The following MAPK8IP3 variants were observed in gnomAD, a reference collection of about 807,000 sequenced individuals.
The protein encoded by MAPK8IP3 is mitogen-activated protein kinase 8 interacting protein 3.
A neutral mutation model predicts 157.8 loss-of-function variants in MAPK8IP3; 49 were observed. That is an observed-to-expected ratio of 0.31 (90% CI 0.25 to 0.39). The LOEUF is 0.39. Among genes scored for constraint, MAPK8IP3 ranks in the 10% least tolerant of loss-of-function variants. MAPK8IP3 has a pLI of 1.00. For missense variants in MAPK8IP3, 1,478 were observed against 1,889.4 expected, an observed-to-expected ratio of 0.78 and a Z score of 4.04; for synonymous variants, 897 against 777.7, an observed-to-expected ratio of 1.15 and a Z score of -2.55.
chr16:1,734,149 C>T (rs961453020), intron 4 of MAPK8IP3, among the ~76,000 whole-genome samples: 2 of 152,136 alleles, frequency 1.3e-5, no homozygotes, highest in African/African-American at 4.8e-5. Context: ...ATTACTCTGG[C>T]CCCTGGGCCT....
At position 1,738,110 on chromosome 16, in the gene MAPK8IP3, C is replaced by CCGTCCGTGTGAG. The variant is rs1555449384; in HGVS notation, c.603-5218_603-5207dup. ...ACCATCCATGTGAGCATCCATGTGA[C>CCGTCCGTGTGAG]CGTCCGTGTGAGCGTGACTGTCCGT... On this transcript the variant is annotated intron_variant, in intron 4 of 31. Transcript: ENST00000610761. Among the ~76,000 whole-genome samples, 174 of 59,940 alleles carry CCGTCCGTGTGAG rather than the reference C, an allele frequency of 2.9e-3. 7 individuals are homozygous for CCGTCCGTGTGAG. Among genetic ancestry groups the CCGTCCGTGTGAG allele is most frequent in the East Asian group, 0.013 (17 of 1,330 alleles). The allele number at this position is 59,940 out of a possible 152,430, so 39.3% of individuals were successfully genotyped here. A position where few individuals can be genotyped will look rare whatever the true frequency, so the allele number is the denominator to read the frequency against.
intron 7 of MAPK8IP3, 94 bp downstream of exon 7, chr16:1,748,440 A>G: frequency 8.1e-7 from 1 of 1,235,706 alleles, no homozygotes; most frequent in South Asian, 1.2e-5. Context: ...CCACTGGGAG[A>G]ACCATCAAGG....
chr16:1,730,184 C>T (rs1294383632), intron 4 of MAPK8IP3, among the ~76,000 whole-genome samples: 2 of 152,058 alleles, frequency 1.3e-5, no homozygotes, highest in African/African-American at 4.8e-5. Context: ...TAGCTTGAGC[C>T]CAGGGGCTGG....
At chr16:1,760,185 C>A in intron 11 of MAPK8IP3, 170 bp downstream of exon 11, 1 of 957,082 alleles carries the variant, frequency 1.0e-6, no homozygotes. Flanking sequence ...GGTTTCTTTA[C>A]GAAGCTTGTC....
intron 4 of MAPK8IP3, among the ~76,000 whole-genome samples, chr16:1,736,668 G>A (rs1293126550): frequency 5.6e-5 from 4 of 71,164 alleles, no homozygotes; most frequent in Admixed American, 1.9e-4. Context: ...GCGTGTGACC[G>A]TCCGTGTGAG....
intron 8 of MAPK8IP3, among the ~76,000 whole-genome samples, chr16:1,755,537 G>A (rs377680612): frequency 6.6e-6 from 1 of 151,964 alleles, no homozygotes; most frequent in Non-Finnish European, 1.5e-5. Context: ...AAATAAGAAC[G>A]TCAACAAAGG....
At position 1,766,406 on chromosome 16, in the gene MAPK8IP3, G is replaced by A. The variant is rs2042263695; in HGVS notation, c.2816G>A (p.Gly939Asp). The change falls in exon 22 of 32, where the codon GGC (glycine) becomes GAC (aspartate). Residue 939 changes from glycine to aspartate, a missense_variant. Coordinates refer to ENST00000610761, the MANE Select transcript of MAPK8IP3 (RefSeq NM_001318852.2). ...APTPSSGPQP[G>D]SENGPEPDSS... ...ACCCCGTCCTCTGGCCCCCAGCCTGGCAGGTGAGCTCTTGGGCTGGGGCAG... is the reference window on the plus strand; with the variant it reads ...ACCCCGTCCTCTGGCCCCCAGCCTGACAGGTGAGCTCTTGGGCTGGGGCAG... 1 of 1,609,496 alleles carries A rather than the reference G, an allele frequency of 6.2e-7. No homozygotes were observed. Among genetic ancestry groups the A allele is most frequent in the South Asian group, 1.1e-5 (1 of 91,000 alleles).
rs745593970 is a variant in MAPK8IP3 at position 1,748,832 on chromosome 16, C to CT, written c.1216+121dup. ...CCTCTGTCAGCTGTGAGCTAGGAACCTTTTTTTTTCCAGCTTTGTTGAGTT... is the reference window on the plus strand; with the variant it reads ...CCTCTGTCAGCTGTGAGCTAGGAACCTTTTTTTTTTCCAGCTTTGTTGAGTT... On this transcript the variant is annotated intron_variant, in intron 8 of 31. Transcript: ENST00000610761. The CT allele has an allele frequency of 7.5e-4, 707 of 943,076 alleles. 1 individual carries two copies. Among genetic ancestry groups the CT allele is most frequent in the Non-Finnish European group, 9.2e-4 (527 of 574,976 alleles). 58.4% of individuals were successfully genotyped at this position (943,076 alleles called of 1,614,324 possible).
In MAPK8IP3 at chr16:1,767,284, C is replaced by T; in HGVS notation, c.3224C>T (p.Thr1075Ile). The change falls in exon 26 of 32, where the codon ACC becomes ATC. Residue 1075 changes from threonine to isoleucine, a missense_variant. Transcript: ENST00000610761. ...AAGGTGCACGTCATCCAGCCCAAGA[C>T]CATGCAGATAGAGGCGAGTGCCGGC... ...KNKVHVIQPK[T>I]MQIEKSFDAH... 6.2e-7 allele frequency: 1 copy of T among 1,613,226 alleles called. No homozygotes were observed. The highest frequency in any genetic ancestry group is 1.1e-5 in the South Asian group (1 of 91,088).
intron 9 of MAPK8IP3, among the ~76,000 whole-genome samples, 157 bp downstream of exon 9, chr16:1,758,316 A>G (rs2041737768): frequency 1.3e-5 from 2 of 152,148 alleles, no homozygotes; most frequent in South Asian, 4.1e-4. Context: ...GCCGCTCGGA[A>G]GCTTGTTCGG....
At chr16:1,757,465 G>A (rs1008225900) in intron 8 of MAPK8IP3, among the ~76,000 whole-genome samples, 2 of 152,168 alleles carry the variant, frequency 1.3e-5, no homozygotes, top group East Asian at 1.9e-4. Flanking sequence ...AGAGAACCGC[G>A]TCCTCACCTC....
At chr16:1,713,430 T>C (rs997055527) in intron 1 of MAPK8IP3, 2 of 152,238 alleles carry the variant, frequency 1.3e-5, no homozygotes, top group African/African-American at 2.4e-5. Flanking sequence ...GCTTCCATAC[T>C]GGACAGTGTG....
At chr16:1,761,113 C>T in intron 12 of MAPK8IP3, 111 bp from the exon 13 acceptor site, 3 of 846,498 alleles carry the variant, frequency 3.5e-6, no homozygotes, top group South Asian at 1.4e-5. Flanking sequence ...GGGAGAGCCC[C>T]CAGCCCTGCA....
chr16:1,712,735 T>A (rs1346302170), intron 1 of MAPK8IP3, among the ~76,000 whole-genome samples: 1 of 152,128 alleles, frequency 6.6e-6, no homozygotes, highest in Non-Finnish European at 1.5e-5. Context: ...AGACCTGCAG[T>A]TCCTGCCTCC....
At position 1,743,447 on chromosome 16, in the gene MAPK8IP3, G is replaced by C; in HGVS notation, c.718G>C (p.Gly240Arg). The change falls in exon 5 of 32, where the codon GGC becomes CGC. Residue 240 changes from glycine to arginine, a missense_variant. By Grantham distance (125) the Gly-to-Arg change is moderately radical. Transcript: ENST00000610761. The surrounding 1 kb of genome is among the most constrained non-coding windows in gnomAD (Gnocchi z 5.6). ...GGACCACTGGCACCTGAGTGACCTC[G>C]GCCAGCTGCAGTCCAGCTCCAGCTA... ...AGDHWHLSDL[G>R]QLQSSSSYQC... The C allele has an allele frequency of 6.2e-7, 1 of 1,609,618 alleles. No individual in the cohort carries two copies. Among genetic ancestry groups the C allele is most frequent in the Non-Finnish European group, 8.5e-7 (1 of 1,178,608 alleles).
At chr16:1,760,129 G>A (rs1257569600) in intron 11 of MAPK8IP3, 114 bp downstream of exon 11, 2 of 1,186,660 alleles carry the variant, frequency 1.7e-6, no homozygotes, top group African/African-American at 1.5e-5. Flanking sequence ...AACGCCAGCA[G>A]CTGTCCTCAT....
chr16:1,720,849 A>T (rs181727477), intron 1 of MAPK8IP3, among the ~76,000 whole-genome samples: 2 of 152,218 alleles, frequency 1.3e-5, no homozygotes, highest in East Asian at 3.9e-4. Flanking sequence ...CCTGGCTAAC[A>T]CGGTGAAACC....
In MAPK8IP3 at chr16:1,735,621, G is replaced by C. The variant is rs117746874; in HGVS notation, c.602+6043G>C. 5.5e-3 allele frequency among the ~76,000 whole-genome samples: 797 copies of C among 143,990 alleles called. 43 individuals carry two copies. In the East Asian group the frequency reaches 0.12, roughly 21 times the overall value. The allele number at this position is 143,990 out of a possible 152,430, so 94.5% of individuals were successfully genotyped here. A position where few individuals can be genotyped will look rare whatever the true frequency, so the allele number is the denominator to read the frequency against. ...AGCATCCGTGTGACCATCCGTGTGA[G>C]CATCCGTGTGACTGTCCATGTGAGT... On this transcript the variant is annotated intron_variant, in intron 4 of 31. Transcript: ENST00000610761.
intron 4 of MAPK8IP3, among the ~76,000 whole-genome samples, chr16:1,739,778 C>T (rs1410249416): frequency 9.6e-6 from 1 of 104,688 alleles, no homozygotes; most frequent in African/African-American, 3.9e-5. Context: ...GAGCGTGTCA[C>T]CGTCCATGTG....
Sources: gnomAD v4.1 joint callset for allele counts (sites outside exome capture counted in the v4.1 genomes callset) on GRCh38, gnomAD v4.1.1 for gene constraint, Gnocchi (gnomAD v3.1) non-coding constraint, MANE v1.5 for transcripts, NCBI Gene and HGNC (gene_info 2026-07-23, HGNC 2026-07-21) for gene names.